TFAP2B: variants seen among roughly 807,000 people sequenced by gnomAD.
TFAP2B encodes the protein transcription factor AP-2-beta.
TFAP2B carries 9 observed loss-of-function variants against 44.3 expected under a neutral mutation model. That is an observed-to-expected ratio of 0.20 (90% CI 0.12 to 0.35). The LOEUF is 0.35. Among genes scored for constraint, TFAP2B ranks in the 10% least tolerant of loss-of-function variants. TFAP2B has a pLI of 1.00. For missense variants in TFAP2B, 509 were observed against 600.0 expected, an observed-to-expected ratio of 0.85 and a Z score of 1.59; for synonymous variants, 270 against 263.8, an observed-to-expected ratio of 1.02 and a Z score of -0.23.
intron 2 of TFAP2B, among the ~76,000 whole-genome samples, chr6:50,824,896 T>C (rs1010340570): frequency 1.2e-4 from 19 of 152,358 alleles, no homozygotes; most frequent in Admixed American, 1.0e-3. Context: ...AAGATAAATA[T>C]AGTTTACAGG....
At chr6:50,822,231 C>CTGTGTG (rs575157614) in intron 1 of TFAP2B, 2 of 1,204,472 alleles carry the variant, frequency 1.7e-6, no homozygotes, top group Non-Finnish European at 2.2e-6. Context: ...CTCTGCGTCT[C>CTGTGTG]TGTGTGTGTG....
At chr6:50,823,284 G>A in intron 1 of TFAP2B, 123 bp from the exon 2 acceptor site, 1 of 870,620 alleles carries the variant, frequency 1.1e-6, no homozygotes, top group Non-Finnish European at 1.9e-6. Flanking sequence ...CAAAAGCCGG[G>A]CTTCTCCATT....
At chr6:50,830,279 C>G in intron 3 of TFAP2B, 2 of 984,488 alleles carry the variant, frequency 2.0e-6, no homozygotes. Context: ...GATGACCAAT[C>G]AGAAATGTTA....
chr6:50,846,143 A>C lies in TFAP2B; in HGVS notation c.*2751A>C, dbSNP rs1449556374. ...GGCAAGGCAGGGTACCTTCATTGCC[A>C]GACGCCCTCATTTGTGTGTTCCTCC... On this transcript the variant is annotated 3_prime_UTR_variant, in exon 7 of 7. Coordinates refer to ENST00000393655, the MANE Select transcript of TFAP2B (RefSeq NM_003221.4). 3 of 152,654 alleles carry C rather than the reference A, an allele frequency of 2.0e-5. No individual in the cohort carries two copies. Among genetic ancestry groups the C allele is most frequent in the Admixed American group, 1.3e-4 (2 of 15,284 alleles). 9.5% of individuals were successfully genotyped at this position (152,654 alleles called of 1,614,324 possible).
At chr6:50,831,661 G>GA (rs932222946) in intron 3 of TFAP2B, among the ~76,000 whole-genome samples, 6 of 57,458 alleles carry the variant, frequency 1.0e-4, no homozygotes, top group Non-Finnish European at 2.0e-4. Flanking sequence ...TTAGAAATCT[G>GA]GGGGGAGGAA....
chr6:50,827,655 CA>C (rs1054836259), intron 2 of TFAP2B, among the ~76,000 whole-genome samples: 1 of 152,116 alleles, frequency 6.6e-6, no homozygotes, highest in Non-Finnish European at 1.5e-5. Flanking sequence ...TTTGAAGGGT[CA>C]AGAAAGTAGT....
chr6:50,840,965 C>T (rs1248490122), intron 6 of TFAP2B, among the ~76,000 whole-genome samples: 1 of 152,252 alleles, frequency 6.6e-6, no homozygotes, highest in Non-Finnish European at 1.5e-5. Flanking sequence ...GTTTCTCTTG[C>T]AGGCGCGGCC....
chr6:50,833,476 G>C (rs910495435), intron 3 of TFAP2B, among the ~76,000 whole-genome samples: 2 of 152,060 alleles, frequency 1.3e-5, no homozygotes, highest in African/African-American at 4.8e-5. Flanking sequence ...TGGAAATATA[G>C]TCCAAAGCAC....
chr6:50,833,680 CTT>C (rs1418742504), intron 3 of TFAP2B, among the ~76,000 whole-genome samples: 1 of 152,118 alleles, frequency 6.6e-6, no homozygotes, highest in Non-Finnish European at 1.5e-5. Context: ...GGAAATAGCT[CTT>C]GTCGGGTGAA....
intron 1 of TFAP2B, chr6:50,821,991 A>AT (rs60274376): frequency 0.21 from 44,682 of 217,198 alleles, 4,648 homozygotes; most frequent in African/African-American, 0.31. Flanking sequence ...GGCGGGTGTA[A>AT]TTTTTTTTTT....
intron 3 of TFAP2B, 151 bp downstream of exon 3, chr6:50,828,830 G>A (rs1770596805): frequency 1.1e-6 from 1 of 894,542 alleles, no homozygotes; most frequent in Non-Finnish European, 1.8e-6. Flanking sequence ...TAGGGGAAAG[G>A]GCATGTTGGG....
At position 50,844,302 on chromosome 6, in the gene TFAP2B, AACACAC is replaced by A. The variant is rs35649205; in HGVS notation, c.*920_*925del. ...TTATGAACTATAGTAAAAAAAAAAA[AACACAC>A]ACACACACAATATGAATACGTTGAT... On this transcript the variant is annotated 3_prime_UTR_variant, in exon 7 of 7. Transcript: ENST00000393655. 3.4e-5 allele frequency: 5 copies of A among 147,732 alleles called. No individual in the cohort carries two copies. Among genetic ancestry groups the A allele is most frequent in the East Asian group, 2.0e-4 (1 of 5,056 alleles). The allele number at this position is 147,732 out of a possible 1,614,324, so 9.2% of individuals were successfully genotyped here. A position where few individuals can be genotyped will look rare whatever the true frequency, so the allele number is the denominator to read the frequency against.
At chr6:50,825,472 C>T (rs1015750421) in intron 2 of TFAP2B, among the ~76,000 whole-genome samples, 2 of 151,900 alleles carry the variant, frequency 1.3e-5, no homozygotes, top group African/African-American at 4.8e-5. Context: ...GTGACTCTAG[C>T]GAAGGAACTC....
chr6:50,830,360 G>C (rs1373188042), intron 3 of TFAP2B: 1 of 955,558 alleles, frequency 1.0e-6, no homozygotes. Context: ...GATTTTCTTA[G>C]ATGTGGGATG....
intron 3 of TFAP2B, 48 bp from the exon 4 acceptor site, chr6:50,836,013 A>G (rs1420559449): frequency 6.9e-7 from 1 of 1,440,268 alleles, no homozygotes; most frequent in South Asian, 1.1e-5. Flanking sequence ...GCCGGTCATC[A>G]GGATCGAAAC....
At chr6:50,830,285 TG>T (rs1770638496) in intron 3 of TFAP2B, 6 of 984,790 alleles carry the variant, frequency 6.1e-6, no homozygotes, top group Admixed American at 6.1e-5. Flanking sequence ...CAATCAGAAA[TG>T]TTATTAATAG....
rs548974559 is a variant in TFAP2B, at chr6:50,820,800, C to G, written c.81+1828C>G. 5.9e-5 allele frequency among the ~76,000 whole-genome samples: 9 copies of G among 151,588 alleles called. No homozygotes were observed. In the South Asian group the frequency reaches 1.2e-3, roughly 21 times the overall value. On this transcript the variant is annotated intron_variant, in intron 1 of 6. Transcript: ENST00000393655. ...ATTTCAGTGGGTTCTAAAAAGTAAC[C>G]AGGGTAACATTCGTTCTTTACAGAA...
rs756696221 is a variant in TFAP2B at position 50,843,159 on chromosome 6, A to G, written c.1150A>G (p.Ser384Gly). The G allele has an allele frequency of 6.2e-7, 1 of 1,614,108 alleles. No homozygotes were observed. Among genetic ancestry groups the G allele is most frequent in the South Asian group, 1.1e-5 (1 of 91,092 alleles). Reference sequence around the variant, plus strand: ...GACACCGATAGGGAACAGCCGACCCAGCCCCATCCTGGAGCCGGGGATCCA... The same window carrying G: ...GACACCGATAGGGAACAGCCGACCCGGCCCCATCCTGGAGCCGGGGATCCA... ...DRTPIGNSRPSPILEPGIQSC... is the reference protein window; with the variant it reads ...DRTPIGNSRPGPILEPGIQSC... The change falls in exon 7 of 7, where the codon AGC becomes GGC. Residue 384 changes from serine to glycine, a missense_variant. Physicochemically the swap from Ser to Gly is moderately conservative, Grantham distance 56 (BLOSUM62 0). Around this residue, in one of 3 missense-constraint regions of TFAP2B, gnomAD observed 168 missense variants for 183.2 expected, o/e 0.92. Coordinates refer to ENST00000393655, the MANE Select transcript of TFAP2B (RefSeq NM_003221.4).
intron 6 of TFAP2B, among the ~76,000 whole-genome samples, chr6:50,842,718 GC>G (rs1267179905): frequency 6.6e-6 from 1 of 152,204 alleles, no homozygotes; most frequent in Non-Finnish European, 1.5e-5. Context: ...TGGGAGGGGC[GC>G]GGGGGAAACA....
Sources: gnomAD v4.1 joint callset for allele counts (sites outside exome capture counted in the v4.1 genomes callset) on GRCh38, gnomAD v4.1.1 for gene constraint, gnomAD v4.1.1 regional missense constraint, MANE v1.5 for transcripts, NCBI Gene and HGNC (gene_info 2026-07-23, HGNC 2026-07-21) for gene names.